CFAP100: variants seen among roughly 807,000 people sequenced by gnomAD.
CFAP100 encodes the protein cilia and flagella associated protein 100, also known as cilia- and flagella-associated protein 100.
Under a neutral mutation model 81.5 loss-of-function variants are expected in CFAP100, and 70 were observed. The ratio of observed to expected loss-of-function variants is 0.86; its 90% CI spans 0.71 to 1.05. The LOEUF (loss-of-function observed/expected upper bound fraction) is 1.05, where lower values mean the gene tolerates loss of function less well. CFAP100 is among the 50% of genes least tolerant of loss of function. The pLI is 0.00. For missense variants in CFAP100, 811 were observed against 776.5 expected, an observed-to-expected ratio of 1.04 and a Z score of -0.53; for synonymous variants, 341 against 314.8, an observed-to-expected ratio of 1.08 and a Z score of -0.88.
intron 2 of CFAP100, among the ~76,000 whole-genome samples, chr3:126,404,964 C>T (rs62264676): frequency 0.038 from 5,742 of 152,288 alleles, 143 homozygotes; most frequent in South Asian, 0.1. Flanking sequence ...CCACCACGCC[C>T]GGTCACAGAT....
chr3:126,396,682 G>A (rs1477019230), intron 2 of CFAP100: 3 of 152,358 alleles, frequency 2.0e-5, no homozygotes, highest in Non-Finnish European at 4.4e-5. Context: ...CCGTGAAGGT[G>A]AGCTTCTCTC....
chr3:126,405,900 C>A (rs1243775083), intron 2 of CFAP100, among the ~76,000 whole-genome samples: 4 of 152,028 alleles, frequency 2.6e-5, no homozygotes, highest in South Asian at 2.1e-4. Flanking sequence ...GGATCCTCCC[C>A]CCTCAGCCTC....
intron 2 of CFAP100, among the ~76,000 whole-genome samples, chr3:126,400,218 G>T (rs2082951946): frequency 6.6e-6 from 1 of 152,178 alleles, no homozygotes; most frequent in Admixed American, 6.5e-5. Context: ...CAAAGGACTT[G>T]AATAGATAAT....
chr3:126,428,228 T>C (rs1432411322), intron 13 of CFAP100, among the ~76,000 whole-genome samples: 1 of 152,196 alleles, frequency 6.6e-6, no homozygotes, highest in Admixed American at 6.5e-5. Context: ...GAACCTTAAA[T>C]GCATATTACT....
intron 3 of CFAP100, among the ~76,000 whole-genome samples, chr3:126,407,486 T>C (rs993928975): frequency 6.6e-6 from 1 of 152,236 alleles, no homozygotes; most frequent in Non-Finnish European, 1.5e-5. Context: ...GAGGCTCCAC[T>C]AACAGCAGTT....
At position 126,395,507 on chromosome 3, in the gene CFAP100, G is replaced by A. The variant is rs138610741; in HGVS notation, c.-59-435G>A. On this transcript the variant is annotated intron_variant, in intron 1 of 16. Transcript: ENST00000352312. ...CACATTTTAGGGGGAAATAGACAAC[G>A]AATGGATTTTTAAAGTGATAATCAG... 1.8e-3 allele frequency: 271 copies of A among 153,580 alleles called. 2 individuals carry two copies. The highest frequency in any genetic ancestry group is 1.3e-3 in the Non-Finnish European group (91 of 69,030). 9.5% of individuals were successfully genotyped at this position (153,580 alleles called of 1,614,324 possible). A position where few individuals can be genotyped will look rare whatever the true frequency, so the allele number is the denominator to read the frequency against.
intron 13 of CFAP100, among the ~76,000 whole-genome samples, chr3:126,431,829 C>T (rs1487131335): frequency 2.0e-5 from 3 of 152,158 alleles, no homozygotes; most frequent in Admixed American, 6.5e-5. Flanking sequence ...GCACTTGAAT[C>T]CCCCAGGGAT....
At chr3:126,418,875 C>A in intron 7 of CFAP100, 101 bp downstream of exon 7, 1 of 1,388,196 alleles carries the variant, frequency 7.2e-7, no homozygotes, top group Non-Finnish European at 9.7e-7. Flanking sequence ...CCAGCCCCTG[C>A]AACTCCTCTG....
In CFAP100 at chr3:126,416,378, G is replaced by A. The variant is rs758834155; in HGVS notation, c.288G>A (p.Ser96=). The change falls in exon 5 of 17, where the codon TCG becomes TCA. Residue 96 remains serine (S), a synonymous_variant. Transcript: ENST00000352312. ...AGATGACCTACTCCTCGAAAGTGTC[G>A]GCTAAGCACACCAGCCTGCGGCGGC... The part of the protein sequence containing the change: ...HQKMTYSSKV[S]AKHTSLRRQL... 1.2e-6 allele frequency: 2 copies of A among 1,611,746 alleles called. No homozygotes were observed. Among genetic ancestry groups the A allele is most frequent in the Non-Finnish European group, 1.7e-6 (2 of 1,179,298 alleles).
At chr3:126,419,017 T>A (rs2083287259) in intron 7 of CFAP100, 59 bp from the exon 8 acceptor site, 1 of 1,137,228 alleles carries the variant, frequency 8.8e-7, no homozygotes, top group African/African-American at 1.5e-5. Flanking sequence ...CACCCCTCTT[T>A]AATAGGCTGC....
Position 126,433,135 on chromosome 3 carries a change from G to C in CFAP100, c.1353G>C (p.Glu451Asp). Residue 451 changes from glutamate to aspartate, a missense_variant, in exon 14 of 17, where the codon GAG becomes GAC. Glu to Asp is a conservative substitution (Grantham distance 45). Coordinates refer to ENST00000352312, the MANE Select transcript of CFAP100 (RefSeq NM_182628.3). ...TGATGATGTCCATCACCAAGGAGGA[G>C]GACACAGCAGCTGAGCTGGAGCTCA... is the stretch of plus-strand genomic sequence containing the variant. ...TTMMMSITKEEDTAAELELKA... is the reference protein window; with the variant it reads ...TTMMMSITKEDDTAAELELKA... The C allele has an allele frequency of 6.2e-7, 1 of 1,614,242 alleles. No homozygotes were observed. Among genetic ancestry groups the C allele is most frequent in the South Asian group, 1.1e-5 (1 of 91,084 alleles).
chr3:126,416,536 T>A (rs940955661), intron 5 of CFAP100, 28 bp downstream of exon 5: 36 of 1,506,434 alleles, frequency 2.4e-5, no homozygotes, highest in Admixed American at 2.2e-5. Flanking sequence ...CGGGGGGACC[T>A]GGGCCAGTGG....
At chr3:126,428,226 A>T (rs1933035618) in intron 13 of CFAP100, among the ~76,000 whole-genome samples, 2 of 152,252 alleles carry the variant, frequency 1.3e-5, no homozygotes, top group Admixed American at 1.3e-4. Context: ...AAGAACCTTA[A>T]ATGCATATTA....
rs1355192585 is a variant in CFAP100, at chr3:126,426,594, C to CA, written c.1286+2956dup. ...GTAAAACCCCGTCTCTACTAAAATA[C>CA]AAAAAATTAGCTGGGCGTGGTGGTG... is the stretch of plus-strand genomic sequence containing the variant. On this transcript the variant is annotated intron_variant, in intron 13 of 16. Coordinates refer to ENST00000352312, the MANE Select transcript of CFAP100 (RefSeq NM_182628.3). 1.3e-4 allele frequency among the ~76,000 whole-genome samples: 19 copies of CA among 151,796 alleles called. No individual in the cohort carries two copies. The East Asian group carries it at 2.3e-3, about 19-fold the overall frequency.
At chr3:126,433,323 C>A in intron 14 of CFAP100, 119 bp downstream of exon 14, 2 of 1,253,638 alleles carry the variant, frequency 1.6e-6, no homozygotes, top group Non-Finnish European at 1.1e-6. Flanking sequence ...GAGTGCCCTG[C>A]AGCTGCCCTT....
Position 126,395,958 on chromosome 3 carries a change from G to A in CFAP100, c.-43G>A. On this transcript the variant is annotated 5_prime_UTR_variant, in exon 2 of 17. Transcript: ENST00000352312. The stretch of plus-strand genomic sequence containing the variant: ...ACTCCTCAGGTGAGGATCTCCTTTA[G>A]AAGAGGAGAAGCCTTGCATCAACCT... The A allele has an allele frequency of 3.9e-6, 6 of 1,520,510 alleles. No homozygotes were observed. The highest frequency in any genetic ancestry group is 5.5e-6 in the Non-Finnish European group (6 of 1,094,992). The allele number at this position is 1,520,510 out of a possible 1,614,324, so 94.2% of individuals were successfully genotyped here.
chr3:126,406,489 G>C (rs904384256), intron 2 of CFAP100, among the ~76,000 whole-genome samples: 4 of 152,194 alleles, frequency 2.6e-5, no homozygotes, highest in Non-Finnish European at 5.9e-5. Context: ...AGTATTCCTG[G>C]GTGGGAGTGG....
At chr3:126,409,444 A>T (rs901182708) in intron 3 of CFAP100, among the ~76,000 whole-genome samples, 1 of 152,176 alleles carries the variant, frequency 6.6e-6, no homozygotes, top group Non-Finnish European at 1.5e-5. Flanking sequence ...CACTTTGGGG[A>T]CATAAGCACT....
intron 11 of CFAP100, among the ~76,000 whole-genome samples, chr3:126,421,325 G>A (rs1226636158): frequency 2.6e-5 from 4 of 152,196 alleles, no homozygotes; most frequent in Non-Finnish European, 4.4e-5. Context: ...GTTCACTATT[G>A]TCTTTTGAAG....
Sources: allele counts gnomAD v4.1 joint callset (sites outside exome capture counted in the v4.1 genomes callset), GRCh38; gene constraint gnomAD v4.1.1; transcripts MANE v1.5; gene names NCBI Gene and HGNC (gene_info 2026-07-23, HGNC 2026-07-21).